The following ZC3H12D variants were observed in gnomAD, a reference collection of about 807,000 sequenced individuals.
ZC3H12D encodes the protein probable ribonuclease ZC3H12D.
A neutral mutation model predicts 24.2 loss-of-function variants in ZC3H12D; 11 were observed. The ratio of observed to expected loss-of-function variants is 0.46; its 90% CI spans 0.29 to 0.75. ZC3H12D has a LOEUF of 0.75. Ranked by LOEUF, ZC3H12D falls within the 30% of genes least tolerant of loss-of-function variation. ZC3H12D has a pLI of 0.11. For missense variants in ZC3H12D, 740 were observed against 767.7 expected, an observed-to-expected ratio of 0.96 and a Z score of 0.43; for synonymous variants, 333 against 341.8, an observed-to-expected ratio of 0.97 and a Z score of 0.28.
Position 149,450,536 on chromosome 6 carries a change from G to T in ZC3H12D, c.*147C>A. The T allele has an allele frequency of 1.1e-6, 1 of 878,060 alleles. No homozygotes were observed. Among genetic ancestry groups the T allele is most frequent in the Non-Finnish European group, 1.7e-6 (1 of 602,824 alleles). The allele number at this position is 878,060 out of a possible 1,614,324, so 54.4% of individuals were successfully genotyped here. On this transcript the variant is annotated 3_prime_UTR_variant, in exon 6 of 6. Transcript: ENST00000409806. ...CACCAGGCCCCCACAACCCCGCTCA[G>T]GAGGAGGAAGCAGGCTTCCCTGACC...
Position 149,459,600 on chromosome 6 carries a change from T to G in ZC3H12D, c.445+2231A>C, listed in dbSNP as rs186748888. On this transcript the variant is annotated intron_variant, in intron 3 of 5. Transcript: ENST00000409806. The stretch of plus-strand genomic sequence containing the variant: ...GAGTGGAAGTCGGGCAAAATCGGGA[T>G]GACTAACAGGTGAGCTGAGCTACTC... 118 of 696,132 alleles carry G rather than the reference T, an allele frequency of 1.7e-4. No individual in the cohort carries two copies. The Middle Eastern group carries it at 9.7e-3, about 57-fold the overall frequency. The allele number at this position is 696,132 out of a possible 1,614,324, so 43.1% of individuals were successfully genotyped here.
chr6:149,474,403 C>T lies in ZC3H12D; in HGVS notation c.141G>A (p.Pro47=), dbSNP rs564955727. The T allele has an allele frequency of 3.9e-5, 63 of 1,608,240 alleles. 2 individuals carry two copies. In the South Asian group the frequency reaches 5.4e-4, roughly 14 times the overall value. Residue 47 remains proline, a synonymous_variant, in exon 2 of 6, where the codon CCG becomes CCA. Coordinates refer to ENST00000409806, the MANE Select transcript of ZC3H12D (RefSeq NM_207360.3). ...LQELIRTGSR[P]GALEHPAAPR... is the part of the protein sequence containing the mutation. ...GTGCAGCCGGGTGCTCCAGGGCACC[C>T]GGGCGGCTGCCCGTGCGGATAAGCT...
Position 149,469,492 on chromosome 6 carries a change from G to C in ZC3H12D, c.305+4747C>G, listed in dbSNP as rs1033919651. Among the ~76,000 whole-genome samples, 3 of 151,902 alleles carry C rather than the reference G, an allele frequency of 2.0e-5. No homozygotes were observed. The South Asian group carries it at 6.2e-4, about 32-fold the overall frequency. ...AAGAAAATGCTGCAACTGTTGGCTCGTGAGAATTCATGCTCTTCCCACACA... is the reference window on the plus strand; with the variant it reads ...AAGAAAATGCTGCAACTGTTGGCTCCTGAGAATTCATGCTCTTCCCACACA... On this transcript the variant is annotated intron_variant, in intron 2 of 5. Transcript: ENST00000409806.
chr6:149,475,638 C>G (rs1282619595), intron 1 of ZC3H12D, among the ~76,000 whole-genome samples: 1 of 152,094 alleles, frequency 6.6e-6, no homozygotes, highest in African/African-American at 2.4e-5. Flanking sequence ...ATCTCTTGAA[C>G]CTGGGAAGCG....
intron 1 of ZC3H12D, chr6:149,482,912 A>T (rs2115016298): frequency 6.6e-6 from 1 of 152,350 alleles, no homozygotes; most frequent in East Asian, 1.9e-4. Context: ...GCCAGAAGGC[A>T]CCGCCCAGGG....
At chr6:149,475,284 G>A (rs1776317685) in intron 1 of ZC3H12D, among the ~76,000 whole-genome samples, 1 of 152,126 alleles carries the variant, frequency 6.6e-6, no homozygotes, top group African/African-American at 2.4e-5. Context: ...ACTAACACAG[G>A]CCCCTGGCTT....
At chr6:149,472,673 A>AC (rs1776264206) in intron 2 of ZC3H12D, among the ~76,000 whole-genome samples, 1 of 151,772 alleles carries the variant, frequency 6.6e-6, no homozygotes, top group African/African-American at 2.4e-5. Context: ...ACCCTCCACC[A>AC]CCCCAAAGAG....
chr6:149,448,260 C>G lies in ZC3H12D; in HGVS notation c.*2423G>C, dbSNP rs997953030. ...TGAGCCAAGATTGCGCCACTGCACTCCAGCCTGGGTGACAGAGCGAGACTC... is the reference window on the plus strand; with the variant it reads ...TGAGCCAAGATTGCGCCACTGCACTGCAGCCTGGGTGACAGAGCGAGACTC... On this transcript the variant is annotated 3_prime_UTR_variant, in exon 6 of 6. Coordinates refer to ENST00000409806, the MANE Select transcript of ZC3H12D (RefSeq NM_207360.3). The G allele has an allele frequency of 1.1e-4, 16 of 151,766 alleles. No individual in the cohort carries two copies. Among genetic ancestry groups the G allele is most frequent in the African/African-American group, 3.9e-4 (16 of 41,266 alleles). The allele number at this position is 151,766 out of a possible 1,614,324, so 9.4% of individuals were successfully genotyped here. A position where few individuals can be genotyped will look rare whatever the true frequency, so the allele number is the denominator to read the frequency against.
At chr6:149,463,739 G>A (rs1313622764) in intron 2 of ZC3H12D, among the ~76,000 whole-genome samples, 1 of 152,192 alleles carries the variant, frequency 6.6e-6, no homozygotes, top group African/African-American at 2.4e-5. Flanking sequence ...TGGTGGATGA[G>A]GGAGAAGAGT....
chr6:149,478,166 CAA>C (rs34745745), intron 1 of ZC3H12D, among the ~76,000 whole-genome samples: 51,597 of 116,526 alleles, frequency 0.44, 11,018 homozygotes, highest in East Asian at 0.81. Context: ...GACTCCATCT[CAA>C]AAAAAAAAAA....
intron 2 of ZC3H12D, among the ~76,000 whole-genome samples, chr6:149,473,955 CTTG>C (rs1405029855): frequency 3.9e-5 from 6 of 152,178 alleles, no homozygotes; most frequent in Non-Finnish European, 8.8e-5. Context: ...AACAGCTACA[CTTG>C]TTGATCACTT....
chr6:149,451,163 G>T lies in ZC3H12D; in HGVS notation c.1104C>A (p.Ser368Arg). 7.5e-7 allele frequency: 1 copy of T among 1,324,898 alleles called. No homozygotes were observed. Among genetic ancestry groups the T allele is most frequent in the Non-Finnish European group, 9.6e-7 (1 of 1,043,372 alleles). The allele number at this position is 1,324,898 out of a possible 1,614,324, so 82.1% of individuals were successfully genotyped here. Reference sequence around the variant, plus strand: ...CGGGCCCGCCCAGTCGGGGCGTGAGGCTGCAGGCGGGGACCGGGAGAGGCG... The same window carrying T: ...CGGGCCCGCCCAGTCGGGGCGTGAGTCTGCAGGCGGGGACCGGGAGAGGCG... The part of the protein sequence containing the change: ...LGPPLPVPAC[S>R]LTPRLGGPDW... The change falls in exon 6 of 6, where the codon AGC becomes AGA. Residue 368 changes from serine (S) to arginine (R), a missense_variant. Coordinates refer to ENST00000409806, the MANE Select transcript of ZC3H12D (RefSeq NM_207360.3).
chr6:149,483,676 C>A (rs1776458146), intron 1 of ZC3H12D, among the ~76,000 whole-genome samples: 1 of 152,162 alleles, frequency 6.6e-6, no homozygotes, highest in Admixed American at 6.5e-5. Context: ...GCCTCCTGAG[C>A]AGCTGGAACT....
intron 3 of ZC3H12D, among the ~76,000 whole-genome samples, chr6:149,458,129 T>TTTTC (rs1776016608): frequency 1.9e-4 from 11 of 58,254 alleles, no homozygotes; most frequent in South Asian, 9.1e-4. Context: ...TTTTCGTTTC[T>TTTTC]TTTTTTTTTT....
intron 1 of ZC3H12D, chr6:149,483,193 G>A (rs1562479506): frequency 6.6e-6 from 1 of 152,226 alleles, no homozygotes; most frequent in Non-Finnish European, 1.5e-5. Flanking sequence ...GAGGCCCTCA[G>A]TGGAGCTGTC....
At chr6:149,460,606 G>A (rs1768341) in intron 3 of ZC3H12D, among the ~76,000 whole-genome samples, 54,978 of 151,642 alleles carry the variant, frequency 0.36, 10,425 homozygotes, top group African/African-American at 0.46. Flanking sequence ...AGGCAGAGGT[G>A]GGTGGATCAC....
At chr6:149,468,245 T>A (rs1355974504) in intron 2 of ZC3H12D, among the ~76,000 whole-genome samples, 1 of 152,172 alleles carries the variant, frequency 6.6e-6, no homozygotes, top group Non-Finnish European at 1.5e-5. Context: ...CCTCCCAAAG[T>A]GCTAGGATTA....
chr6:149,461,962 T>C lies in ZC3H12D; in HGVS notation c.314A>G (p.Asn105Ser). ...TCCCCGGCAAGAGAAGGTTTCTTTA[T>C]TTCCATGGCTACAATGGGAAAACAA... Reference protein sequence around the residue: ...DGSNVAMSHGNKETFSCRGIK... With the variant: ...DGSNVAMSHGSKETFSCRGIK... The change falls in exon 3 of 6, where the codon AAT (asparagine) becomes AGT (serine). Residue 105 changes from asparagine (N) to serine (S), a missense_variant. Coordinates refer to ENST00000409806, the MANE Select transcript of ZC3H12D (RefSeq NM_207360.3). 1.2e-6 allele frequency: 2 copies of C among 1,611,160 alleles called. No individual in the cohort carries two copies. Among genetic ancestry groups the C allele is most frequent in the South Asian group, 1.1e-5 (1 of 90,076 alleles).
At chr6:149,481,020 T>G (rs1181420655) in intron 1 of ZC3H12D, among the ~76,000 whole-genome samples, 1 of 151,500 alleles carries the variant, frequency 6.6e-6, no homozygotes, top group Non-Finnish European at 1.5e-5. Context: ...TCAGCTGAGG[T>G]CCACCTGCAG....
Sources: allele counts gnomAD v4.1 joint callset (sites outside exome capture counted in the v4.1 genomes callset), GRCh38; gene constraint gnomAD v4.1.1; transcripts MANE v1.5; gene names NCBI Gene and HGNC (gene_info 2026-07-23, HGNC 2026-07-21).